Variants in PLA2G4C observed in about 807,000 individuals in gnomAD.
The protein encoded by PLA2G4C is phospholipase A2 group IVC, also known as cytosolic phospholipase A2 gamma.
Under a neutral mutation model 73.8 loss-of-function variants are expected in PLA2G4C, and 64 were observed. The observed-to-expected ratio is 0.87, with a 90% CI of 0.71 to 1.07. The LOEUF (loss-of-function observed/expected upper bound fraction) is 1.07, where lower values mean the gene tolerates loss of function less well. PLA2G4C is among the 50% of genes least tolerant of loss of function. PLA2G4C has a pLI of 0.00. For synonymous variants in PLA2G4C, 254 were observed against 252.1 expected, an observed-to-expected ratio of 1.01 and a Z score of -0.07; for missense variants, 622 against 665.4, an observed-to-expected ratio of 0.93 and a Z score of 0.72.
In PLA2G4C at chr19:48,095,607, G is replaced by A. The variant is rs778415187; in HGVS notation, c.569-3C>T. On this transcript the variant is annotated splice_polypyrimidine_tract_variant and splice_region_variant and intron_variant, in intron 6 of 16. Coordinates refer to ENST00000599921, the MANE Select transcript of PLA2G4C (RefSeq NM_003706.3). ...AGGGGTGAACTCGAACCAGGTCTCT[G>A]CAGAGGAAATACAACGGCAAGTGAG... 1.2e-6 allele frequency: 2 copies of A among 1,613,986 alleles called. No individual in the cohort carries two copies. Among genetic ancestry groups the A allele is most frequent in the Non-Finnish European group, 1.7e-6 (2 of 1,179,922 alleles).
At chr19:48,069,537 C>G (rs2122526137) in intron 12 of PLA2G4C, among the ~76,000 whole-genome samples, 1 of 152,158 alleles carries the variant, frequency 6.6e-6, no homozygotes, top group Middle Eastern at 3.4e-3. Flanking sequence ...CTGCTCCTCC[C>G]AATCTCATCT....
chr19:48,100,029 A>T, intron 4 of PLA2G4C, 169 bp from the exon 5 acceptor site: 1 of 508,784 alleles, frequency 2.0e-6, no homozygotes, highest in African/African-American at 2.0e-5. Flanking sequence ...CAGAACGATC[A>T]AGTTCGAAGG....
chr19:48,090,236 G>A, intron 8 of PLA2G4C, 128 bp downstream of exon 8: 2 of 737,906 alleles, frequency 2.7e-6, no homozygotes, highest in South Asian at 3.2e-5. Context: ...GAGAATAAAT[G>A]TCAGGAAAAG....
At chr19:48,090,149 T>G in intron 8 of PLA2G4C, 4 of 541,462 alleles carry the variant, frequency 7.4e-6, no homozygotes, top group South Asian at 2.6e-5. Context: ...AAAGCTTACA[T>G]GTACCAGAGC....
intron 12 of PLA2G4C, among the ~76,000 whole-genome samples, chr19:48,073,833 A>G (rs1600194286): frequency 2.6e-5 from 4 of 152,052 alleles, no homozygotes; most frequent in Admixed American, 2.0e-4. Context: ...CGTATCTCAC[A>G]TGAACTCAGA....
intron 13 of PLA2G4C, among the ~76,000 whole-genome samples, chr19:48,065,877 CG>C (rs1278250476): frequency 6.6e-6 from 1 of 151,868 alleles, no homozygotes; most frequent in African/African-American, 2.4e-5. Context: ...GGGTAGATCA[CG>C]AGGTCAGGAG....
At chr19:48,078,937 T>C (rs113807993) in intron 10 of PLA2G4C, among the ~76,000 whole-genome samples, 2,987 of 151,886 alleles carry the variant, frequency 0.02, 95 homozygotes, top group African/African-American at 0.067. Context: ...TGGCCAATTT[T>C]GGCTCACTGC....
rs780127664 is a variant in PLA2G4C, at chr19:48,085,116, C to A, written c.791-4G>T. The A allele has an allele frequency of 1.0e-5, 16 of 1,605,774 alleles. No homozygotes were observed. Among genetic ancestry groups the A allele is most frequent in the South Asian group, 6.6e-5 (6 of 90,900 alleles). On this transcript the variant is annotated splice_polypyrimidine_tract_variant and splice_region_variant and intron_variant, in intron 9 of 16. Transcript: ENST00000599921. The stretch of plus-strand genomic sequence containing the variant: ...GCAACAGCCCTTCTCCATAAACCTG[C>A]CAAGAAAATAGCAATAAAATTCAAA...
chr19:48,102,165 T>A (rs1211477080), intron 4 of PLA2G4C, among the ~76,000 whole-genome samples: 1 of 152,064 alleles, frequency 6.6e-6, no homozygotes, highest in Admixed American at 6.6e-5. Context: ...CATTTCACTG[T>A]TTCTTTTTAC....
At position 48,100,807 on chromosome 19, in the gene PLA2G4C, G is replaced by A. The variant is rs570748616; in HGVS notation, c.258-947C>T. 2.2e-4 allele frequency among the ~76,000 whole-genome samples: 32 copies of A among 144,430 alleles called. No homozygotes were observed. In the South Asian group the frequency reaches 6.7e-3, roughly 30 times the overall value. 94.8% of individuals were successfully genotyped at this position (144,430 alleles called of 152,430 possible). On this transcript the variant is annotated intron_variant, in intron 4 of 16. Transcript: ENST00000599921. Reference sequence around the variant, plus strand: ...CCAGCTACTATAGTCCTAGCTACTCGAGAGGCTGAGGCAGGAGAATGGCGT... The same window carrying A: ...CCAGCTACTATAGTCCTAGCTACTCAAGAGGCTGAGGCAGGAGAATGGCGT...
intron 9 of PLA2G4C, among the ~76,000 whole-genome samples, chr19:48,085,359 G>A (rs1431163000): frequency 6.6e-6 from 1 of 152,142 alleles, no homozygotes; most frequent in African/African-American, 2.4e-5. Context: ...GAGCCAGCCG[G>A]GCACTGTAGA....
At chr19:48,067,551 G>A (rs960884378) in intron 13 of PLA2G4C, among the ~76,000 whole-genome samples, 9 of 152,158 alleles carry the variant, frequency 5.9e-5, no homozygotes, top group Admixed American at 5.2e-4. Flanking sequence ...ACCAGAGAAA[G>A]CCATCAGTGA....
intron 9 of PLA2G4C, among the ~76,000 whole-genome samples, chr19:48,088,358 C>A (rs1600225466): frequency 7.3e-6 from 1 of 136,994 alleles, no homozygotes. Flanking sequence ...AAAGTCACAT[C>A]CTTAAGCGGA....
intron 8 of PLA2G4C, among the ~76,000 whole-genome samples, chr19:48,088,960 A>G (rs893356216): frequency 6.6e-6 from 1 of 152,340 alleles, no homozygotes; most frequent in Admixed American, 6.5e-5. Context: ...ATTGGCAAAC[A>G]CTACATATCA....
chr19:48,083,471 G>A (rs1040152331), intron 10 of PLA2G4C, among the ~76,000 whole-genome samples: 6 of 76,434 alleles, frequency 7.8e-5, no homozygotes, highest in African/African-American at 3.0e-4. Flanking sequence ...TTTTGAGACT[G>A]TGTTTCACTC....
rs1338641172 is a variant in PLA2G4C, at chr19:48,110,702, G to A, written c.-248C>T. On this transcript the variant is annotated 5_prime_UTR_variant, in exon 1 of 17. Coordinates refer to ENST00000599921, the MANE Select transcript of PLA2G4C (RefSeq NM_003706.3). ...CCCTGTGGGAGGAGGTCGCGGGCTG[G>A]AGGTGTTTCCTCCTGGTCCTGAGCA... The A allele has an allele frequency of 9.7e-6, 5 of 515,122 alleles. No homozygotes were observed. Among genetic ancestry groups the A allele is most frequent in the Non-Finnish European group, 1.7e-5 (5 of 297,304 alleles). The allele number at this position is 515,122 out of a possible 1,614,324, so 31.9% of individuals were successfully genotyped here.
At chr19:48,078,829 C>G (rs960600164) in intron 10 of PLA2G4C, among the ~76,000 whole-genome samples, 4 of 150,522 alleles carry the variant, frequency 2.7e-5, no homozygotes, top group Non-Finnish European at 5.9e-5. Flanking sequence ...TAATTCCCAT[C>G]AAAATACTAT....
At chr19:48,058,721 G>A (rs1968056272) in intron 14 of PLA2G4C, among the ~76,000 whole-genome samples, 1 of 151,828 alleles carries the variant, frequency 6.6e-6, no homozygotes, top group African/African-American at 2.4e-5. Flanking sequence ...AGGAGGCTGA[G>A]GCAAGAGAAT....
intron 5 of PLA2G4C, among the ~76,000 whole-genome samples, chr19:48,098,712 CTA>C (rs2031737722): frequency 3.5e-5 from 1 of 28,590 alleles, no homozygotes; most frequent in Non-Finnish European, 6.5e-5. Flanking sequence ...AACCCTATCT[CTA>C]AAAAAAAAAA....
Sources: gnomAD v4.1 joint callset for allele counts (sites outside exome capture counted in the v4.1 genomes callset) on GRCh38, gnomAD v4.1.1 for gene constraint, MANE v1.5 for transcripts, NCBI Gene and HGNC (gene_info 2026-07-23, HGNC 2026-07-21) for gene names.